Variants in RAPGEF3 observed in about 807,000 individuals in gnomAD.
RAPGEF3 encodes the protein 9330170P05Rik.
RAPGEF3 carries 103 observed loss-of-function variants against 129.8 expected under a neutral mutation model. That is an observed-to-expected ratio of 0.79 (90% CI 0.68 to 0.93). RAPGEF3 has a LOEUF of 0.93. Among genes scored for constraint, RAPGEF3 ranks in the 40% least tolerant of loss-of-function variants. The pLI is 0.00. For missense variants in RAPGEF3, 1,117 were observed against 1,207.4 expected, an observed-to-expected ratio of 0.93 and a Z score of 1.11; for synonymous variants, 436 against 482.6, an observed-to-expected ratio of 0.90 and a Z score of 1.26.
chr12:47,751,006 G>C (rs573543077), intron 6 of RAPGEF3, 42 bp downstream of exon 6: 15 of 1,576,434 alleles, frequency 9.5e-6, no homozygotes, highest in South Asian at 9.3e-5. Flanking sequence ...TCTGAGTGCT[G>C]TGTGAGGCCT....
rs1477459570 is a variant in RAPGEF3 at position 47,740,359 on chromosome 12, G to T, written c.2268C>A (p.Ala756=). The T allele has an allele frequency of 6.2e-7, 1 of 1,614,044 alleles. No individual in the cohort carries two copies. The highest frequency in any genetic ancestry group is 1.7e-5 in the Admixed American group (1 of 60,028). The change falls in exon 22 of 28, where the codon GCC becomes GCA. Residue 756 remains alanine (A), a synonymous_variant. Coordinates refer to ENST00000449771, the MANE Select transcript of RAPGEF3 (RefSeq NM_001098531.4). ...CCGAGTTGCTGAGGCCAAACATGAC[G>T]GCAAAGAAGGAATTGAGATTCTTCT... ...KEQKNLNSFF[A]VMFGLSNSAI...
rs776637340 is a variant in RAPGEF3 at position 47,740,982 on chromosome 12, A to G, written c.1982T>C (p.Val661Ala). Residue 661 changes from valine to alanine, a missense_variant, in exon 20 of 28, where the codon GTG becomes GCG. Val to Ala is a moderately conservative substitution (Grantham distance 64). Transcript: ENST00000449771. Reference protein sequence around the residue: ...TVGSAEGLDLVSAKDLAGQLT... With the variant: ...TVGSAEGLDLASAKDLAGQLT... ...CTGGCCTGCCAGGTCCTTGGCACTCACCAGGTCCAGCCCCTCAGCAGAGCC... is the reference window on the plus strand; with the variant it reads ...CTGGCCTGCCAGGTCCTTGGCACTCGCCAGGTCCAGCCCCTCAGCAGAGCC... 3.1e-6 allele frequency: 5 copies of G among 1,613,478 alleles called. No individual in the cohort carries two copies. In the Admixed American group the frequency reaches 8.3e-5, roughly 27 times the overall value.
rs934214801 is a variant in RAPGEF3 at position 47,749,241 on chromosome 12, A to G, written c.1041+149T>C. On this transcript the variant is annotated intron_variant, in intron 10 of 27. Transcript: ENST00000449771. This position sits in a 1 kb window ranked among gnomAD's most constrained non-coding sequence, Gnocchi z 4.5. The stretch of plus-strand genomic sequence containing the variant: ...GGGCTTCACCTTCTCACACACACCC[A>G]GGGCTATGGTCCCACTGCCAGCTGT... 1.0e-5 allele frequency: 10 copies of G among 964,970 alleles called. No individual in the cohort carries two copies. The highest frequency in any genetic ancestry group is 1.4e-5 in the Non-Finnish European group (9 of 627,942). 59.8% of individuals were successfully genotyped at this position (964,970 alleles called of 1,614,324 possible). A position where few individuals can be genotyped will look rare whatever the true frequency, so the allele number is the denominator to read the frequency against.
Position 47,743,528 on chromosome 12 carries a change from A to T in RAPGEF3, c.1825+2T>A. On this transcript the variant is annotated splice_donor_variant, in intron 18 of 27. Transcript: ENST00000449771. LOFTEE classifies it high-confidence loss of function. ...TGGGGTCTATCCAGGGGCACAACTCACCACCTGCAGAATTGACCTTCACCA... is the reference window on the plus strand; with the variant it reads ...TGGGGTCTATCCAGGGGCACAACTCTCCACCTGCAGAATTGACCTTCACCA... 1 of 1,612,924 alleles carries T rather than the reference A, an allele frequency of 6.2e-7. No homozygotes were observed. The highest frequency in any genetic ancestry group is 1.1e-5 in the South Asian group (1 of 91,012).
chr12:47,753,945 A>G (rs1941906048), intron 2 of RAPGEF3: 1 of 152,250 alleles, frequency 6.6e-6, no homozygotes, highest in Admixed American at 6.5e-5. Context: ...GTCCATGAGC[A>G]CTGAGGAAGG....
chr12:47,757,043 C>T (rs1230906950), intron 2 of RAPGEF3, among the ~76,000 whole-genome samples: 1 of 152,012 alleles, frequency 6.6e-6, no homozygotes, highest in Non-Finnish European at 1.5e-5. Context: ...CCTGTAATAC[C>T]AGCACTTTGG....
At position 47,753,086 on chromosome 12, in the gene RAPGEF3, C is replaced by T. The variant is rs142641556; in HGVS notation, c.220-1117G>A. ...GGCTCACTTTACAGTTTACAAAGCA[C>T]TTTACAGTTTACAAAGCACAATCGC... On this transcript the variant is annotated intron_variant, in intron 2 of 27. Transcript: ENST00000449771. Among the ~76,000 whole-genome samples, 214 of 152,314 alleles carry T rather than the reference C, an allele frequency of 1.4e-3. 1 individual carries two copies. The highest frequency in any genetic ancestry group is 5.0e-3 in the African/African-American group (208 of 41,556).
chr12:47,741,348 A>G (rs1181109500), intron 19 of RAPGEF3, 157 bp downstream of exon 19: 2 of 740,790 alleles, frequency 2.7e-6, no homozygotes, highest in African/African-American at 3.5e-5. Flanking sequence ...GAATTCCCCC[A>G]TCAGCTGAGG....
chr12:47,745,697 C>G (rs1941387787), intron 16 of RAPGEF3: 1 of 152,130 alleles, frequency 6.6e-6, no homozygotes, highest in Admixed American at 6.5e-5. Context: ...AGTGCACATT[C>G]AGGGAAAGTG....
intron 23 of RAPGEF3, chr12:47,739,465 G>GA: frequency 1.4e-6 from 1 of 691,900 alleles, no homozygotes; most frequent in Non-Finnish European, 2.6e-6. Context: ...AGGTTTCTTG[G>GA]AAAAGTCTGT....
At position 47,741,536 on chromosome 12, in the gene RAPGEF3, A is replaced by G; in HGVS notation, c.1892T>C (p.Phe631Ser). The G allele has an allele frequency of 6.2e-7, 1 of 1,614,156 alleles. No individual in the cohort carries two copies. Among genetic ancestry groups the G allele is most frequent in the Non-Finnish European group, 8.5e-7 (1 of 1,180,030 alleles). The change falls in exon 19 of 28, where the codon TTT becomes TCT. Residue 631 changes from phenylalanine to serine, a missense_variant. Physicochemically the swap from Phe to Ser is radical, Grantham distance 155 (BLOSUM62 -2). Coordinates refer to ENST00000449771, the MANE Select transcript of RAPGEF3 (RefSeq NM_001098531.4). ...ATGCACTTCCTGTGGGTTGACAACAAAGAGACGCTCATTGAGCCCCAGAGA... is the reference window on the plus strand; with the variant it reads ...ATGCACTTCCTGTGGGTTGACAACAGAGAGACGCTCATTGAGCCCCAGAGA... ...ATSLGLNERL[F>S]VVNPQEVHEL...
intron 5 of RAPGEF3, 49 bp downstream of exon 5, chr12:47,751,350 C>T (rs774880596): frequency 1.2e-6 from 2 of 1,610,552 alleles, no homozygotes; most frequent in South Asian, 1.1e-5. Context: ...TCCTGTCCCC[C>T]TCACTGCCCA....
In RAPGEF3 at chr12:47,747,607, C is replaced by G. The variant is rs1444879518; in HGVS notation, c.1493G>C (p.Gly498Ala). The part of the protein sequence containing the change: ...SFLQKLSDLV[G>A]RDTRLSNLLR... ...CAGGTTGCTGAGTCGGGTGTCCCTG[C>G]CCACCAGGTCTGAGAGTTTCTAAGA... The change falls in exon 15 of 28, where the codon GGC (glycine) becomes GCC (alanine). Residue 498 changes from glycine to alanine, a missense_variant. This residue lies in a region of RAPGEF3 where 643 missense variants were observed against 673.4 expected (regional missense o/e 0.95). Transcript: ENST00000449771. The G allele has an allele frequency of 3.1e-6, 5 of 1,613,934 alleles. No individual in the cohort carries two copies. The East Asian group carries it at 6.7e-5, about 22-fold the overall frequency.
At chr12:47,753,428 C>A (rs1394747049) in intron 2 of RAPGEF3, among the ~76,000 whole-genome samples, 1 of 152,216 alleles carries the variant, frequency 6.6e-6, no homozygotes, top group Admixed American at 6.5e-5. Context: ...TGCAGTACAA[C>A]CAGTCCTGGT....
In RAPGEF3 at chr12:47,746,695, G is replaced by A. The variant is rs765406344; in HGVS notation, c.1596+165C>T. ...CGCCTCCTGGCACGGCCTGGCCCAG[G>A]GCACCACATGCAGCAAGGGCCCCGT... On this transcript the variant is annotated intron_variant, in intron 16 of 27. Transcript: ENST00000449771. The A allele has an allele frequency of 2.4e-5, 21 of 867,310 alleles. No homozygotes were observed. The South Asian group carries it at 2.8e-4, about 12-fold the overall frequency. The allele number at this position is 867,310 out of a possible 1,614,324, so 53.7% of individuals were successfully genotyped here.
Position 47,749,782 on chromosome 12 carries a change from T to C in RAPGEF3, c.853A>G (p.Ile285Val). The stretch of plus-strand genomic sequence containing the variant: ...ACGTTGACAGATCCCTTCCAGATAA[T>C]GTACCACGAAGTGCCCTTGTCCCCC... ...SQGDKGTSWYIIWKGSVNVVT... is the reference protein window; with the variant it reads ...SQGDKGTSWYVIWKGSVNVVT... The change falls in exon 9 of 28, where the codon ATT (isoleucine) becomes GTT (valine). Residue 285 changes from isoleucine to valine, a missense_variant. Physicochemically the swap from Ile to Val is conservative, Grantham distance 29. Around this residue, in one of 3 missense-constraint regions of RAPGEF3, gnomAD observed 367 missense variants for 373.4 expected, o/e 0.98. Coordinates refer to ENST00000449771, the MANE Select transcript of RAPGEF3 (RefSeq NM_001098531.4). This position sits in a 1 kb window ranked among gnomAD's most constrained non-coding sequence, Gnocchi z 4.5. 1.2e-6 allele frequency: 2 copies of C among 1,614,198 alleles called. No individual in the cohort carries two copies. Among genetic ancestry groups the C allele is most frequent in the South Asian group, 2.2e-5 (2 of 91,088 alleles).
chr12:47,757,958 T>A lies in RAPGEF3; in HGVS notation c.127A>T (p.Met43Leu). 1.3e-6 allele frequency: 2 copies of A among 1,560,838 alleles called. No homozygotes were observed. The highest frequency in any genetic ancestry group is 1.4e-5 in the African/African-American group (1 of 73,806). Residue 43 changes from methionine to leucine, a missense_variant, in exon 2 of 28, where the codon ATG becomes TTG. Physicochemically the swap from Met to Leu is conservative, Grantham distance 15. Coordinates refer to ENST00000449771, the MANE Select transcript of RAPGEF3 (RefSeq NM_001098531.4). Reference sequence around the variant, plus strand: ...GGCCGGTGCATCCTTCTCAACACCATGTTGAGTAGTGTCCCCTCCGGCACC... The same window carrying A: ...GGCCGGTGCATCCTTCTCAACACCAAGTTGAGTAGTGTCCCCTCCGGCACC... Reference protein sequence around the residue: ...DVVPEGTLLNMVLRRMHRPRS... With the variant: ...DVVPEGTLLNLVLRRMHRPRS...
chr12:47,739,453 C>T (rs1164213508), intron 23 of RAPGEF3: 1 of 695,822 alleles, frequency 1.4e-6, no homozygotes, highest in Non-Finnish European at 2.6e-6. Flanking sequence ...CACAGGGGCC[C>T]CAGGTTTCTT....
At chr12:47,742,501 T>G (rs573905509) in intron 18 of RAPGEF3, among the ~76,000 whole-genome samples, 1 of 152,198 alleles carries the variant, frequency 6.6e-6, no homozygotes, top group Non-Finnish European at 1.5e-5. Context: ...CCCCACTTCT[T>G]GAACGCCCCT....
Sources: allele counts gnomAD v4.1 joint callset (sites outside exome capture counted in the v4.1 genomes callset), GRCh38; gene constraint gnomAD v4.1.1; regional missense constraint gnomAD v4.1.1; non-coding constraint Gnocchi (gnomAD v3.1); transcripts MANE v1.5; gene names NCBI Gene and HGNC (gene_info 2026-07-23, HGNC 2026-07-21).